Variants in DMD observed in about 807,000 individuals in gnomAD.
DMD encodes the protein mutant dystrophin.
A neutral mutation model predicts 330.1 loss-of-function variants in DMD; 63 were observed. The ratio of observed to expected loss-of-function variants is 0.19; its 90% CI spans 0.16 to 0.24. The LOEUF is 0.24. Ranked by LOEUF, DMD falls within the 10% of genes least tolerant of loss-of-function variation. The pLI, the probability that DMD is intolerant of heterozygous loss-of-function variation, is 1.00. For missense variants in DMD, 3,344 were observed against 2,684.1 expected (o/e 1.25, Z -5.43); for synonymous variants, 1,223 against 959.8 (o/e 1.27, Z -5.07).
intron 67 of DMD, among the ~76,000 whole-genome samples, chrX:31,193,081 C>T (rs763168622): frequency 5.4e-5 from 6 of 111,483 alleles, no homozygotes; most frequent in African/African-American, 1.6e-4. Flanking sequence ...TTAGATGCTA[C>T]GGCATGTATG....
At chrX:32,421,773 G>C (rs763960334) in intron 29 of DMD, among the ~76,000 whole-genome samples, 2 of 111,569 alleles carry the variant, frequency 1.8e-5, no homozygotes, top group Admixed American at 1.9e-4. Context: ...ACAGGTTTCC[G>C]GTGTGACGCT....
At chrX:31,376,994 T>C (rs777689813) in intron 60 of DMD, among the ~76,000 whole-genome samples, 30 of 112,282 alleles carry the variant, frequency 2.7e-4, no homozygotes, top group African/African-American at 8.4e-4. Context: ...GAAAAACAAA[T>C]TGCCCCATTT....
chrX:33,141,764 C>T (rs958426371), intron 1 of DMD, among the ~76,000 whole-genome samples: 5 of 111,371 alleles, frequency 4.5e-5, no homozygotes, highest in Non-Finnish European at 9.4e-5. Flanking sequence ...TCCACATACA[C>T]CTAATTGCTC....
chrX:32,576,898 C>A (rs1323847520), intron 13 of DMD, among the ~76,000 whole-genome samples: 1 of 111,324 alleles, frequency 9.0e-6, no homozygotes, highest in African/African-American at 3.3e-5. Context: ...TTAATGACAG[C>A]CATCAATGCA....
At chrX:32,684,256 T>A (rs1216980500) in intron 9 of DMD, among the ~76,000 whole-genome samples, 1 of 111,587 alleles carries the variant, frequency 9.0e-6, no homozygotes, top group Non-Finnish European at 1.9e-5. Context: ...TATGCACACG[T>A]AACACACAGA....
intron 21 of DMD, among the ~76,000 whole-genome samples, chrX:32,474,761 G>T (rs1458117810): frequency 9.0e-6 from 1 of 111,527 alleles, no homozygotes; most frequent in East Asian, 2.8e-4. Context: ...TTAGTCCTTT[G>T]TCAGATGTAT....
intron 32 of DMD, 51 bp downstream of exon 32, chrX:32,389,450 T>C: frequency 2.6e-6 from 3 of 1,144,989 alleles, no homozygotes; most frequent in Non-Finnish European, 2.4e-6. Flanking sequence ...AGTTACTTCT[T>C]AATGAGGAAA....
intron 62 of DMD, among the ~76,000 whole-genome samples, chrX:31,314,742 CAGAGAGAGAGAGAGAG>C (rs199994602): frequency 1.9e-3 from 106 of 55,284 alleles, no homozygotes; most frequent in Non-Finnish European, 3.0e-3. Context: ...AATACATACA[CAGAGAGAGAGAGAGAG>C]AGAGAGAGAG....
chrX:32,359,579 C>G (rs746595271), intron 37 of DMD, among the ~76,000 whole-genome samples: 1 of 111,442 alleles, frequency 9.0e-6, no homozygotes, highest in Non-Finnish European at 1.9e-5. Flanking sequence ...TCAAAGGCTA[C>G]CCCCTAAAAC....
intron 51 of DMD, among the ~76,000 whole-genome samples, chrX:31,749,251 T>C (rs1266144686): frequency 9.6e-6 from 1 of 104,179 alleles, no homozygotes; most frequent in East Asian, 3.1e-4. Flanking sequence ...CACTAACCCG[T>C]CATCTAGCAT....
chrX:31,271,690 A>G (rs1224596574), intron 62 of DMD, among the ~76,000 whole-genome samples: 8 of 111,679 alleles, frequency 7.2e-5, no homozygotes, highest in African/African-American at 2.0e-4. Flanking sequence ...TATCACTTCA[A>G]TTAACTCGAA....
intron 60 of DMD, among the ~76,000 whole-genome samples, chrX:31,442,194 C>T (rs747622672): frequency 1.9e-4 from 21 of 111,940 alleles, no homozygotes; most frequent in African/African-American, 5.5e-4. Context: ...AAATGTGTAT[C>T]TCCCCCAGAT....
chrX:31,837,101 T>A (rs2093216553), intron 48 of DMD, among the ~76,000 whole-genome samples: 1 of 112,162 alleles, frequency 8.9e-6, no homozygotes, highest in Admixed American at 9.5e-5. Flanking sequence ...ATAATGACAA[T>A]ACAATTTATT....
At chrX:33,191,175 C>T (rs1243146580) in intron 1 of DMD, among the ~76,000 whole-genome samples, 1 of 102,056 alleles carries the variant, frequency 9.8e-6, no homozygotes, top group Non-Finnish European at 2.0e-5. Flanking sequence ...TTTTTCATTC[C>T]TAATGCCCTA....
chrX:33,051,314 C>G (rs764537023), intron 1 of DMD, among the ~76,000 whole-genome samples: 17 of 107,013 alleles, frequency 1.6e-4, no homozygotes, highest in South Asian at 4.3e-4. Flanking sequence ...TGGGTCCAAG[C>G]GATTCTTCTG....
chrX:32,399,841 A>T, intron 30 of DMD, among the ~76,000 whole-genome samples: 1 of 112,220 alleles, frequency 8.9e-6, no homozygotes, highest in Non-Finnish European at 1.9e-5. Flanking sequence ...CTAAATGTCC[A>T]TTAAAAAACG....
At chrX:31,595,915 A>T (rs1433418218) in intron 55 of DMD, among the ~76,000 whole-genome samples, 1 of 111,256 alleles carries the variant, frequency 9.0e-6, no homozygotes, top group African/African-American at 3.3e-5. Flanking sequence ...TAATTTAATG[A>T]GAAACATTTC....
chrX:32,146,456 T>C (rs1168372665), intron 44 of DMD, among the ~76,000 whole-genome samples: 3 of 111,170 alleles, frequency 2.7e-5, no homozygotes, highest in African/African-American at 6.5e-5. Context: ...GACAGCCAGA[T>C]GGGTATATAT....
chrX:32,672,191 C>A (rs1375709182), intron 9 of DMD, among the ~76,000 whole-genome samples: 1 of 110,936 alleles, frequency 9.0e-6, no homozygotes, highest in Non-Finnish European at 1.9e-5. Context: ...ATATTTGATT[C>A]ATCAGTAATA....
Sources: gnomAD v4.1 joint callset for allele counts (sites outside exome capture counted in the v4.1 genomes callset) on GRCh38, gnomAD v4.1.1 for gene constraint, MANE v1.5 for transcripts, NCBI Gene and HGNC (gene_info 2026-07-23, HGNC 2026-07-21) for gene names.